The following MYO9A variants were observed in gnomAD, a reference collection of about 807,000 sequenced individuals.
MYO9A encodes the protein unconventional myosin-IXa.
A neutral mutation model predicts 293.3 loss-of-function variants in MYO9A; 103 were observed. The observed-to-expected ratio is 0.35, with a 90% CI of 0.30 to 0.41. MYO9A has a LOEUF of 0.41. Among genes scored for constraint, MYO9A ranks in the 10% least tolerant of loss-of-function variants. The pLI is 1.00. For synonymous variants in MYO9A, 1,001 were observed against 1,035.7 expected, an observed-to-expected ratio of 0.97 and a Z score of 0.64; for missense variants, 2,685 against 3,033.0, an observed-to-expected ratio of 0.89 and a Z score of 2.69.
At position 71,883,689 on chromosome 15, in the gene MYO9A, T is replaced by C. The variant is rs1260261852; in HGVS notation, c.5303A>G (p.Glu1768Gly). ...AGGTTTCACTCTGGTAGTCTTCTTCTCCCCTTGTTTCCCTTTGGCCCAGAA... is the reference window on the plus strand; with the variant it reads ...AGGTTTCACTCTGGTAGTCTTCTTCCCCCCTTGTTTCCCTTTGGCCCAGAA... ...MRFWAKGKQG[E>G]KKTTRVKPTT... Residue 1768 changes from glutamate (E) to glycine (G), a missense_variant, in exon 28 of 42, where the codon GAG (glutamate) becomes GGG (glycine). Physicochemically the swap from Glu to Gly is moderately conservative, Grantham distance 98. Transcript: ENST00000356056. 2 of 1,613,418 alleles carry C rather than the reference T, an allele frequency of 1.2e-6. No individual in the cohort carries two copies. The highest frequency in any genetic ancestry group is 8.5e-7 in the Non-Finnish European group (1 of 1,179,602).
At chr15:71,995,141 A>G (rs1013919485) in intron 9 of MYO9A, among the ~76,000 whole-genome samples, 1 of 152,234 alleles carries the variant, frequency 6.6e-6, no homozygotes, top group Non-Finnish European at 1.5e-5. Context: ...AGTTCAAAAC[A>G]TGTTTATTAA....
chr15:71,984,150 A>G (rs1222959219), intron 11 of MYO9A, among the ~76,000 whole-genome samples: 1 of 152,188 alleles, frequency 6.6e-6, no homozygotes, highest in Admixed American at 6.5e-5. Context: ...CAACATTTTT[A>G]CTATAAAATA....
intron 14 of MYO9A, among the ~76,000 whole-genome samples, chr15:71,956,330 A>AAAAAAATATATATATAT (rs10642655): frequency 2.6e-5 from 2 of 75,584 alleles, no homozygotes; most frequent in African/African-American, 1.2e-4. Flanking sequence ...AAAAAAAAAA[A>AAAAAAATATATATATAT]ATATATATAT....
chr15:72,101,695 G>T lies in MYO9A; in HGVS notation c.-72+15985C>A, dbSNP rs1175940713. Among the ~76,000 whole-genome samples the T allele has an allele frequency of 3.6e-3, 496 of 136,560 alleles. 11 individuals are homozygous for T. Among genetic ancestry groups the T allele is most frequent in the Admixed American group, 0.033 (441 of 13,522 alleles). 89.6% of individuals were successfully genotyped at this position (136,560 alleles called of 152,430 possible). ...CCCCGTCTGGGAGGGAGGTGGGGGG[G>T]GTCAGCCCCCCGCCCGGCCAGCCGC... is the stretch of plus-strand genomic sequence containing the variant. On this transcript the variant is annotated intron_variant, in intron 1 of 41. Transcript: ENST00000356056.
chr15:71,910,166 G>A lies in MYO9A; in HGVS notation c.2686-5160C>T, dbSNP rs1017597345. ...TACGTGTGTGTGTATATATATATACGTGTATATATATATATAAAATCAGAA... is the reference window on the plus strand; with the variant it reads ...TACGTGTGTGTGTATATATATATACATGTATATATATATATAAAATCAGAA... On this transcript the variant is annotated intron_variant, in intron 19 of 41. Transcript: ENST00000356056. 9.9e-4 allele frequency among the ~76,000 whole-genome samples: 7 copies of A among 7,050 alleles called. 1 individual carries two copies. In the South Asian group the frequency reaches 0.022, roughly 23 times the overall value. 4.6% of individuals were successfully genotyped at this position (7,050 alleles called of 152,430 possible). A position where few individuals can be genotyped will look rare whatever the true frequency, so the allele number is the denominator to read the frequency against.
At chr15:71,831,997 C>T (rs1186662982) in intron 39 of MYO9A, among the ~76,000 whole-genome samples, 1 of 152,188 alleles carries the variant, frequency 6.6e-6, no homozygotes, top group Non-Finnish European at 1.5e-5. Context: ...AAAAGAATGG[C>T]TGGGCACCGT....
intron 18 of MYO9A, among the ~76,000 whole-genome samples, chr15:71,925,456 T>C (rs779271118): frequency 1.3e-5 from 2 of 151,768 alleles, no homozygotes; most frequent in Non-Finnish European, 2.9e-5. Flanking sequence ...TGTATATCTA[T>C]ATATAACCTT....
chr15:72,019,774 G>C (rs2077447808), intron 5 of MYO9A, among the ~76,000 whole-genome samples: 1 of 152,054 alleles, frequency 6.6e-6, no homozygotes, highest in Non-Finnish European at 1.5e-5. Flanking sequence ...TTTTGAGACG[G>C]AGTCTCGCTC....
At chr15:71,848,502 G>A (rs1050999390) in intron 39 of MYO9A, among the ~76,000 whole-genome samples, 25 of 152,040 alleles carry the variant, frequency 1.6e-4, no homozygotes, top group Admixed American at 2.6e-4. Flanking sequence ...GATTAAAGGC[G>A]GGAACAGACA....
chr15:72,002,677 T>C (rs930420742), intron 8 of MYO9A, among the ~76,000 whole-genome samples: 1 of 152,174 alleles, frequency 6.6e-6, no homozygotes, highest in African/African-American at 2.4e-5. Flanking sequence ...GTATTCTTTA[T>C]AAAAACATCT....
chr15:71,882,067 C>T (rs1192009558), intron 28 of MYO9A, among the ~76,000 whole-genome samples: 1 of 152,192 alleles, frequency 6.6e-6, no homozygotes, highest in Admixed American at 6.5e-5. Context: ...ATAGAGAGCT[C>T]AAGCCCATTC....
At chr15:72,116,683 T>C (rs953982010) in intron 1 of MYO9A, among the ~76,000 whole-genome samples, 1 of 152,198 alleles carries the variant, frequency 6.6e-6, no homozygotes, top group Non-Finnish European at 1.5e-5. Context: ...ACAGTTCTAG[T>C]ATCTGCAGCA....
At chr15:71,976,857 T>C (rs951190902) in intron 12 of MYO9A, among the ~76,000 whole-genome samples, 1 of 152,226 alleles carries the variant, frequency 6.6e-6, no homozygotes, top group African/African-American at 2.4e-5. Context: ...CTTTTTATTC[T>C]ACCACCTTAC....
intron 1 of MYO9A, among the ~76,000 whole-genome samples, chr15:72,109,242 T>C (rs1317626048): frequency 6.6e-6 from 1 of 151,326 alleles, no homozygotes; most frequent in African/African-American, 2.4e-5. Context: ...TATAAAAAAT[T>C]AGCCAGGCGT....
intron 18 of MYO9A, among the ~76,000 whole-genome samples, chr15:71,919,334 G>A (rs1318330976): frequency 6.6e-6 from 1 of 151,936 alleles, no homozygotes; most frequent in Non-Finnish European, 1.5e-5. Flanking sequence ...CTAGCTATTC[G>A]GGAGGTGGAG....
Position 71,823,384 on chromosome 15 carries a change from AG to A in MYO9A, c.*3195del, listed in dbSNP as rs1595964187. On this transcript the variant is annotated 3_prime_UTR_variant, in exon 42 of 42. Transcript: ENST00000356056. Reference sequence around the variant, plus strand: ...ATGGAGTCTTCATTAATCTTCCAGCAGGGTAAGTGCTCTGGCAGGTTTCCAA... The same window carrying A: ...ATGGAGTCTTCATTAATCTTCCAGCAGGTAAGTGCTCTGGCAGGTTTCCAA... 1 of 152,216 alleles carries A rather than the reference AG, an allele frequency of 6.6e-6. No homozygotes were observed. Among genetic ancestry groups the A allele is most frequent in the Non-Finnish European group, 1.5e-5 (1 of 68,038 alleles). 9.4% of individuals were successfully genotyped at this position (152,216 alleles called of 1,614,324 possible).
intron 12 of MYO9A, among the ~76,000 whole-genome samples, chr15:71,970,470 G>A (rs1412154870): frequency 6.6e-6 from 1 of 152,130 alleles, no homozygotes; most frequent in Non-Finnish European, 1.5e-5. Context: ...TATTTTTAGA[G>A]AAAAAATACT....
intron 18 of MYO9A, among the ~76,000 whole-genome samples, chr15:71,927,152 C>A (rs1212531761): frequency 1.3e-5 from 2 of 152,204 alleles, no homozygotes; most frequent in Admixed American, 6.5e-5. Context: ...GATCCTCAGG[C>A]CCTAAGACAT....
chr15:72,025,790 T>C (rs2077648352), intron 4 of MYO9A, among the ~76,000 whole-genome samples: 1 of 152,140 alleles, frequency 6.6e-6, no homozygotes. Flanking sequence ...AAAATTACTA[T>C]ATACCAATTA....
Sources: allele counts gnomAD v4.1 joint callset (sites outside exome capture counted in the v4.1 genomes callset), GRCh38; gene constraint gnomAD v4.1.1; transcripts MANE v1.5; gene names NCBI Gene and HGNC (gene_info 2026-07-23, HGNC 2026-07-21).